Variants in REG4 observed in about 807,000 individuals in gnomAD.
The protein encoded by REG4 is regenerating family member 4.
Under a neutral mutation model 22.3 loss-of-function variants are expected in REG4, and 16 were observed. The observed-to-expected ratio is 0.72, with a 90% CI of 0.49 to 1.09. REG4 has a LOEUF of 1.09. REG4 is among the 50% of genes least tolerant of loss of function. REG4 has a pLI of 0.00. For missense variants in REG4, 214 were observed against 193.9 expected (o/e 1.10, Z -0.61); for synonymous variants, 71 against 69.2 (o/e 1.03, Z -0.13).
rs775390013 is a variant in REG4 at position 119,806,940 on chromosome 1, C to T, written c.67+1763G>A. Among the ~76,000 whole-genome samples, 8 of 152,278 alleles carry T rather than the reference C, an allele frequency of 5.3e-5. No individual in the cohort carries two copies. In the South Asian group the frequency reaches 8.3e-4, roughly 16 times the overall value. Reference sequence around the variant, plus strand: ...TGGGAAGATTAATTAAGATAATTCACGTACAGTGATTAGCACAGAGCCTAG... The same window carrying T: ...TGGGAAGATTAATTAAGATAATTCATGTACAGTGATTAGCACAGAGCCTAG... On this transcript the variant is annotated intron_variant, in intron 2 of 5. Coordinates refer to ENST00000256585, the MANE Select transcript of REG4 (RefSeq NM_032044.4).
rs587646396 is a variant in REG4, at chr1:119,805,494, G to C, written c.68-2329C>G. 1.1e-3 allele frequency among the ~76,000 whole-genome samples: 166 copies of C among 152,228 alleles called. 2 individuals are homozygous for C. The highest frequency in any genetic ancestry group is 3.9e-3 in the African/African-American group (161 of 41,540). ...CAGACCCTCTACCACCACGGTCTTT[G>C]TTTCCCCTGGATCCAAGCCATGAAA... is the stretch of plus-strand genomic sequence containing the variant. On this transcript the variant is annotated intron_variant, in intron 2 of 5. Transcript: ENST00000256585.
intron 2 of REG4, among the ~76,000 whole-genome samples, chr1:119,805,163 T>C (rs1557763148): frequency 6.6e-6 from 1 of 152,218 alleles, no homozygotes; most frequent in Non-Finnish European, 1.5e-5. Flanking sequence ...TTGATTATTT[T>C]CTCAGGAGGA....
At position 119,808,825 on chromosome 1, in the gene REG4, G is replaced by C. The variant is rs1430780213; in HGVS notation, c.-56C>G. Reference sequence around the variant, plus strand: ...CAAGGATCTCAGAGACCTTACTAGCGCTTCTTTGAAACTCCTGGGTTCTCC... The same window carrying C: ...CAAGGATCTCAGAGACCTTACTAGCCCTTCTTTGAAACTCCTGGGTTCTCC... On this transcript the variant is annotated 5_prime_UTR_variant, in exon 2 of 6. Transcript: ENST00000256585. The C allele has an allele frequency of 7.5e-7, 1 of 1,329,362 alleles. No individual in the cohort carries two copies. Among genetic ancestry groups the C allele is most frequent in the East Asian group, 2.3e-5 (1 of 43,180 alleles). 82.3% of individuals were successfully genotyped at this position (1,329,362 alleles called of 1,614,324 possible).
chr1:119,794,583 G>C lies in REG4; in HGVS notation c.*35C>G, dbSNP rs781508653. On this transcript the variant is annotated 3_prime_UTR_variant, in exon 6 of 6. Coordinates refer to ENST00000256585, the MANE Select transcript of REG4 (RefSeq NM_032044.4). The stretch of plus-strand genomic sequence containing the variant: ...GGCTAGCAGAAAGGAAGAGGACGGG[G>C]CTGTGCAGGAGTTAGCAGAATCTTG... 68 of 1,570,364 alleles carry C rather than the reference G, an allele frequency of 4.3e-5. No individual in the cohort carries two copies. The highest frequency in any genetic ancestry group is 5.3e-5 in the Non-Finnish European group (61 of 1,140,846).
rs587735699 is a variant in REG4 at position 119,810,584 on chromosome 1, C to T, written c.-95+825G>A. Among the ~76,000 whole-genome samples, 10 of 152,276 alleles carry T rather than the reference C, an allele frequency of 6.6e-5. No homozygotes were observed. In the South Asian group the frequency reaches 2.1e-3, roughly 32 times the overall value. On this transcript the variant is annotated intron_variant, in intron 1 of 5. Transcript: ENST00000256585. ...GAACCTTGCACTTTGCTAAACTTTC[C>T]TTCCAAAAGTAATAGTGTATTTTCA...
At position 119,794,115 on chromosome 1, in the gene REG4, T is replaced by C. The variant is rs1321703259; in HGVS notation, c.*503A>G. The C allele has an allele frequency of 1.9e-6, 1 of 533,332 alleles. No homozygotes were observed. The highest frequency in any genetic ancestry group is 3.8e-6 in the Non-Finnish European group (1 of 260,042). The allele number at this position is 533,332 out of a possible 1,614,324, so 33.0% of individuals were successfully genotyped here. A position where few individuals can be genotyped will look rare whatever the true frequency, so the allele number is the denominator to read the frequency against. ...TGTACACAATGGTTTATTAAAGGAA[T>C]GTATGGCCCACATCAACCTAGCAAG... On this transcript the variant is annotated 3_prime_UTR_variant, in exon 6 of 6. Transcript: ENST00000256585.
rs138300213 is a variant in REG4 at position 119,803,191 on chromosome 1, A to C, written c.68-26T>G. On this transcript the variant is annotated intron_variant, in intron 2 of 5. Coordinates refer to ENST00000256585, the MANE Select transcript of REG4 (RefSeq NM_032044.4). ...CTGCACATAAACAAAAGGCAATTGC[A>C]CATTATGATAGCAAAAACAATCAAT... 2,198 of 1,500,152 alleles carry C rather than the reference A, an allele frequency of 1.5e-3. 26 individuals are homozygous for C. The highest frequency in any genetic ancestry group is 7.1e-4 in the Non-Finnish European group (804 of 1,125,944). 92.9% of individuals were successfully genotyped at this position (1,500,152 alleles called of 1,614,324 possible). A position where few individuals can be genotyped will look rare whatever the true frequency, so the allele number is the denominator to read the frequency against.
chr1:119,805,686 C>A (rs1456007221), intron 2 of REG4, among the ~76,000 whole-genome samples: 1 of 152,110 alleles, frequency 6.6e-6, no homozygotes, highest in Non-Finnish European at 1.5e-5. Context: ...CTGTCTTTGA[C>A]TTTCTATGTA....
At chr1:119,811,218 C>G (rs1360274284) in intron 1 of REG4, among the ~76,000 whole-genome samples, 191 bp downstream of exon 1, 1 of 152,232 alleles carries the variant, frequency 6.6e-6, no homozygotes, top group Non-Finnish European at 1.5e-5. Context: ...AACAGCTTGA[C>G]ACCAAAGCCA....
chr1:119,804,765 G>A (rs752440405), intron 2 of REG4, among the ~76,000 whole-genome samples: 2 of 151,926 alleles, frequency 1.3e-5, no homozygotes, highest in South Asian at 2.1e-4. Flanking sequence ...TCTACATCTC[G>A]GTCTCTTTTG....
At chr1:119,797,607 C>T (rs984738439) in intron 5 of REG4, among the ~76,000 whole-genome samples, 2 of 152,152 alleles carry the variant, frequency 1.3e-5, no homozygotes, top group African/African-American at 4.8e-5. Flanking sequence ...CCTATTAGAC[C>T]CACTGGGATA....
chr1:119,809,647 G>GTCT (rs1038758940), intron 1 of REG4, among the ~76,000 whole-genome samples: 2 of 152,092 alleles, frequency 1.3e-5, no homozygotes, highest in Non-Finnish European at 2.9e-5. Context: ...GTAATACATT[G>GTCT]TCTTGCACTC....
chr1:119,810,816 G>A (rs1461568067), intron 1 of REG4, among the ~76,000 whole-genome samples: 1 of 152,186 alleles, frequency 6.6e-6, no homozygotes, highest in South Asian at 2.1e-4. Flanking sequence ...ACTTTGAGAG[G>A]CTGAGGCAGG....
chr1:119,798,699 G>A (rs1654007564), intron 4 of REG4, 97 bp from the exon 5 acceptor site: 8 of 804,796 alleles, frequency 9.9e-6, no homozygotes, highest in Admixed American at 2.0e-5. Flanking sequence ...GGTTTTCATT[G>A]CAAACATTGG....
At chr1:119,805,864 C>T (rs1054813788) in intron 2 of REG4, among the ~76,000 whole-genome samples, 5 of 152,046 alleles carry the variant, frequency 3.3e-5, no homozygotes, top group African/African-American at 7.2e-5. Flanking sequence ...CTGCAAGTTG[C>T]GGCTGTGGCC....
intron 1 of REG4, among the ~76,000 whole-genome samples, chr1:119,810,179 T>A (rs1013968082): frequency 6.6e-6 from 1 of 152,194 alleles, no homozygotes; most frequent in Non-Finnish European, 1.5e-5. Flanking sequence ...AAATAATTTT[T>A]AAATTTATAT....
chr1:119,803,635 G>A (rs969309127), intron 2 of REG4, among the ~76,000 whole-genome samples: 4 of 152,218 alleles, frequency 2.6e-5, no homozygotes, highest in African/African-American at 9.7e-5. Context: ...ATTCTCAGCA[G>A]CTGGCAGAAT....
chr1:119,806,599 A>T (rs1046565595), intron 2 of REG4, among the ~76,000 whole-genome samples: 3 of 152,092 alleles, frequency 2.0e-5, no homozygotes. Context: ...AGAGAAGAGA[A>T]CCTCCTCACA....
intron 3 of REG4, chr1:119,802,792 A>G: frequency 6.7e-7 from 1 of 1,483,172 alleles, no homozygotes; most frequent in East Asian, 2.5e-5. Flanking sequence ...TGTCTCCTTT[A>G]CTGACAGTGA....
Sources: allele counts gnomAD v4.1 joint callset (sites outside exome capture counted in the v4.1 genomes callset), GRCh38; gene constraint gnomAD v4.1.1; transcripts MANE v1.5; gene names NCBI Gene and HGNC (gene_info 2026-07-23, HGNC 2026-07-21).